The following PRR11 variants were observed in gnomAD, a reference collection of about 807,000 sequenced individuals.
PRR11 encodes proline-rich protein 11.
A neutral mutation model predicts 45.6 loss-of-function variants in PRR11; 30 were observed. That is an observed-to-expected ratio of 0.66 (90% CI 0.49 to 0.89). The LOEUF is 0.89. PRR11 is among the 40% of genes least tolerant of loss of function. The pLI is 0.00. For missense variants in PRR11, 373 were observed against 424.8 expected (o/e 0.88, Z 1.07); for synonymous variants, 128 against 153.5 (o/e 0.83, Z 1.23).
intron 9 of PRR11, 161 bp downstream of exon 9, chr17:59,197,950 C>CA (rs2046874850): frequency 1.6e-6 from 1 of 612,852 alleles, no homozygotes; most frequent in Non-Finnish European, 2.8e-6. Flanking sequence ...TCTGTCTCTA[C>CA]AAAAAATACA....
chr17:59,202,155 A>G lies in PRR11; in HGVS notation c.*524A>G, dbSNP rs906390290. On this transcript the variant is annotated 3_prime_UTR_variant, in exon 10 of 10. Coordinates refer to ENST00000262293, the MANE Select transcript of PRR11 (RefSeq NM_018304.4). The stretch of plus-strand genomic sequence containing the variant: ...TTTGCATGATGATTAAGAGAACCAG[A>G]TGGGAAAATACAATCTCCAAAGTGA... The G allele has an allele frequency of 2.6e-5, 4 of 154,050 alleles. No homozygotes were observed. Among genetic ancestry groups the G allele is most frequent in the Admixed American group, 1.9e-4 (3 of 15,698 alleles). The allele number at this position is 154,050 out of a possible 1,614,324, so 9.5% of individuals were successfully genotyped here.
At chr17:59,192,638 G>A (rs1316859127) in intron 4 of PRR11, among the ~76,000 whole-genome samples, 4 of 152,120 alleles carry the variant, frequency 2.6e-5, no homozygotes. Context: ...CTCTGTGTGA[G>A]TACATTCCTG....
chr17:59,195,422 C>T lies in PRR11; in HGVS notation c.836C>T (p.Thr279Ile). The T allele has an allele frequency of 3.1e-6, 5 of 1,609,818 alleles. No individual in the cohort carries two copies. The Admixed American group carries it at 8.3e-5, about 27-fold the overall frequency. Residue 279 changes from threonine to isoleucine, a missense_variant, in exon 7 of 10, where the codon ACT (threonine) becomes ATT (isoleucine). Physicochemically the swap from Thr to Ile is moderately conservative, Grantham distance 89 (BLOSUM62 -1). Transcript: ENST00000262293. The stretch of plus-strand genomic sequence containing the variant: ...AAACCTAACTCCAAAGTGTTATCGA[C>T]TCGAGTTACAAACGTCTTAATGTAA... The part of the protein sequence containing the change: ...TLKPNSKVLS[T>I]RVTNVLITPG...
In PRR11 at chr17:59,194,711, TTG is replaced by T. The variant is rs769684921; in HGVS notation, c.646-43_646-42del. 12 of 1,449,592 alleles carry T rather than the reference TTG, an allele frequency of 8.3e-6. No homozygotes were observed. In the South Asian group the frequency reaches 1.4e-4, roughly 17 times the overall value. The allele number at this position is 1,449,592 out of a possible 1,614,324, so 89.8% of individuals were successfully genotyped here. A position where few individuals can be genotyped will look rare whatever the true frequency, so the allele number is the denominator to read the frequency against. On this transcript the variant is annotated intron_variant, in intron 5 of 9. Coordinates refer to ENST00000262293, the MANE Select transcript of PRR11 (RefSeq NM_018304.4). ...TAGATTTGGATTTGCATTTCACCAG[TTG>T]TGCTGGTTCCAATTTGAATTCTAAC...
intron 4 of PRR11, among the ~76,000 whole-genome samples, chr17:59,189,373 G>A (rs1458150104): frequency 6.6e-6 from 1 of 151,690 alleles, no homozygotes; most frequent in Non-Finnish European, 1.5e-5. Flanking sequence ...CCGCTCTGTC[G>A]CCCAGGCTAA....
intron 1 of PRR11, among the ~76,000 whole-genome samples, chr17:59,166,512 TAA>T (rs1320722377): frequency 6.6e-6 from 1 of 152,168 alleles, no homozygotes; most frequent in Admixed American, 6.5e-5. Context: ...ACCCTTTTAT[TAA>T]AAGTTTCCAA....
intron 1 of PRR11, among the ~76,000 whole-genome samples, chr17:59,166,124 C>T (rs2046679021): frequency 6.6e-6 from 1 of 152,214 alleles, no homozygotes; most frequent in Non-Finnish European, 1.5e-5. Flanking sequence ...TTTTTACAAC[C>T]TGCAACAGGG....
At chr17:59,156,637 ACTTTT>A (rs1349255195) in intron 1 of PRR11, among the ~76,000 whole-genome samples, 5 of 151,128 alleles carry the variant, frequency 3.3e-5, no homozygotes, top group Admixed American at 2.6e-4. Flanking sequence ...AGAACAAAGA[ACTTTT>A]CTTCTCTTTC....
intron 1 of PRR11, among the ~76,000 whole-genome samples, chr17:59,166,621 T>A (rs915974879): frequency 1.3e-5 from 2 of 152,166 alleles, no homozygotes; most frequent in African/African-American, 4.8e-5. Context: ...CTTATATAGA[T>A]ATATGTTAGT....
At chr17:59,182,998 A>C (rs735023) in intron 2 of PRR11, among the ~76,000 whole-genome samples, 15,322 of 152,234 alleles carry the variant, frequency 0.1, 1,037 homozygotes, top group South Asian at 0.26. Context: ...AACAGCTCTG[A>C]GAAGATGCAG....
chr17:59,178,483 A>G, intron 2 of PRR11: 1 of 521,592 alleles, frequency 1.9e-6, no homozygotes, highest in Non-Finnish European at 3.8e-6. Context: ...CTTGTCTGAC[A>G]ACCTCAAATC....
chr17:59,165,388 G>A (rs1175262512), intron 1 of PRR11, among the ~76,000 whole-genome samples: 1 of 152,136 alleles, frequency 6.6e-6, no homozygotes, highest in Non-Finnish European at 1.5e-5. Flanking sequence ...CCAGGCTGGA[G>A]TGCAGTGGCA....
At chr17:59,165,727 G>A (rs1055854345) in intron 1 of PRR11, among the ~76,000 whole-genome samples, 2 of 152,150 alleles carry the variant, frequency 1.3e-5, no homozygotes, top group African/African-American at 4.8e-5. Flanking sequence ...GGGAGGCAGA[G>A]GTTGCGGTGA....
At chr17:59,161,579 T>C (rs914198875) in intron 1 of PRR11, among the ~76,000 whole-genome samples, 2 of 151,768 alleles carry the variant, frequency 1.3e-5, no homozygotes, top group Admixed American at 6.6e-5. Context: ...TGAAACCCTG[T>C]CTCAACTAAA....
chr17:59,165,515 G>C (rs1292212885), intron 1 of PRR11, among the ~76,000 whole-genome samples: 1 of 151,860 alleles, frequency 6.6e-6, no homozygotes, highest in Non-Finnish European at 1.5e-5. Context: ...AATCAGGGCT[G>C]GGTGCAGTGG....
intron 1 of PRR11, among the ~76,000 whole-genome samples, chr17:59,160,531 C>G (rs544354682): frequency 6.6e-6 from 1 of 152,246 alleles, no homozygotes; most frequent in East Asian, 1.9e-4. Context: ...CCTTGGCCTC[C>G]CAAAGTGCTG....
chr17:59,176,945 C>G (rs1277289636), intron 2 of PRR11, among the ~76,000 whole-genome samples: 8 of 152,058 alleles, frequency 5.3e-5, no homozygotes, highest in Non-Finnish European at 1.2e-4. Context: ...GATCTGCTTG[C>G]CTCGGCCTCC....
intron 1 of PRR11, among the ~76,000 whole-genome samples, chr17:59,168,900 G>A (rs764083460): frequency 3.3e-5 from 5 of 152,040 alleles, no homozygotes; most frequent in Non-Finnish European, 7.4e-5. Context: ...CTGTAAAAAC[G>A]GGAATAAAAA....
chr17:59,193,009 G>T (rs956543439), intron 4 of PRR11, among the ~76,000 whole-genome samples: 1 of 152,112 alleles, frequency 6.6e-6, no homozygotes, highest in South Asian at 2.1e-4. Flanking sequence ...CACTTCCCAA[G>T]CCTCCAGCTG....
Sources: gnomAD v4.1 joint callset for allele counts (sites outside exome capture counted in the v4.1 genomes callset) on GRCh38, gnomAD v4.1.1 for gene constraint, MANE v1.5 for transcripts, NCBI Gene and HGNC (gene_info 2026-07-23, HGNC 2026-07-21) for gene names.